The following TMEM63C variants were observed in gnomAD, a reference collection of about 807,000 sequenced individuals.
The protein encoded by TMEM63C is osmosensitive cation channel TMEM63C.
In TMEM63C, 32 loss-of-function variants were observed where a neutral mutation model predicts 99.2. The observed-to-expected ratio is 0.32, with a 90% CI of 0.24 to 0.43. The LOEUF (loss-of-function observed/expected upper bound fraction) is 0.43, where lower values mean the gene tolerates loss of function less well. TMEM63C is among the 20% of genes least tolerant of loss of function. TMEM63C has a pLI of 1.00. For synonymous variants in TMEM63C, 376 were observed against 397.9 expected (o/e 0.94, Z 0.66); for missense variants, 826 against 1,053.0 (o/e 0.78, Z 2.98).
chr14:77,251,861 T>A lies in TMEM63C; in HGVS notation c.2111T>A (p.Ile704Asn), dbSNP rs748619669. ...LIAMVIAFVGIFLGKLRMVAD... is the reference protein window; with the variant it reads ...LIAMVIAFVGNFLGKLRMVAD... ...GCCATGGTGATTGCCTTTGTTGGCA[T>A]TTTTCTGGGGAAGCTTCGGATGGTT... Residue 704 changes from isoleucine to asparagine, a missense_variant, in exon 22 of 24, where the codon ATT becomes AAT. By Grantham distance (149) the Ile-to-Asn change is moderately radical. Coordinates refer to ENST00000298351, the MANE Select transcript of TMEM63C (RefSeq NM_020431.4). The A allele has an allele frequency of 1.4e-5, 23 of 1,613,976 alleles. No homozygotes were observed. The highest frequency in any genetic ancestry group is 1.9e-5 in the Non-Finnish European group (22 of 1,179,870).
In TMEM63C at chr14:77,244,412, CTGAT is replaced by C; in HGVS notation, c.1408_1411del (p.Ile470SerfsTer32). On this transcript the variant is annotated frameshift_variant, in exon 16 of 24. Coordinates refer to ENST00000298351, the MANE Select transcript of TMEM63C (RefSeq NM_020431.4). LOFTEE classifies it high-confidence loss of function. Reference sequence around the variant, plus strand: ...CTGGGGCTTCACAGTGATACTGCCTCTGATTGTCTACTTCTCCGCCTTCCTCGAG... The same window carrying C: ...CTGGGGCTTCACAGTGATACTGCCTCTGTCTACTTCTCCGCCTTCCTCGAG... 1 of 1,613,988 alleles carries C rather than the reference CTGAT, an allele frequency of 6.2e-7. No homozygotes were observed. The highest frequency in any genetic ancestry group is 8.5e-7 in the Non-Finnish European group (1 of 1,179,888).
rs114733213 is a variant in TMEM63C at position 77,221,347 on chromosome 14, C to G, written c.312+1260C>G. 3.0e-3 allele frequency among the ~76,000 whole-genome samples: 214 copies of G among 71,602 alleles called. 11 individuals are homozygous for G. Among genetic ancestry groups the G allele is most frequent in the African/African-American group, 0.012 (95 of 7,714 alleles). 47.0% of individuals were successfully genotyped at this position (71,602 alleles called of 152,430 possible). On this transcript the variant is annotated intron_variant, in intron 5 of 23. Transcript: ENST00000298351. ...GCTTCACCTCCCACTCACGCCCCCT[C>G]CCACTCACGCCTCCCCTCCCACTCA... is the stretch of plus-strand genomic sequence containing the variant.
intron 6 of TMEM63C, among the ~76,000 whole-genome samples, chr14:77,227,020 A>G (rs545291975): frequency 6.6e-6 from 1 of 152,296 alleles, no homozygotes; most frequent in African/African-American, 2.4e-5. Flanking sequence ...CACCTGCCTC[A>G]GTCTCTTAAA....
rs776948885 is a variant in TMEM63C at position 77,256,794 on chromosome 14, G to T, written c.*68G>T. The T allele has an allele frequency of 4.4e-5, 66 of 1,514,726 alleles. No homozygotes were observed. The highest frequency in any genetic ancestry group is 5.5e-5 in the Non-Finnish European group (61 of 1,106,534). The allele number at this position is 1,514,726 out of a possible 1,614,324, so 93.8% of individuals were successfully genotyped here. A position where few individuals can be genotyped will look rare whatever the true frequency, so the allele number is the denominator to read the frequency against. ...GGGAGGGCCTGGCAAGGGGAGGCAG[G>T]AGGGTGGCCTGGACCTCCCCACTAC... On this transcript the variant is annotated 3_prime_UTR_variant, in exon 24 of 24. Transcript: ENST00000298351.
intron 6 of TMEM63C, among the ~76,000 whole-genome samples, chr14:77,227,796 G>C (rs1376364218): frequency 6.6e-6 from 1 of 152,196 alleles, no homozygotes; most frequent in Non-Finnish European, 1.5e-5. Flanking sequence ...TTGGGTCTCT[G>C]TTGGGAGGGC....
At chr14:77,211,272 A>G (rs1888492952) in intron 1 of TMEM63C, among the ~76,000 whole-genome samples, 1 of 152,200 alleles carries the variant, frequency 6.6e-6, no homozygotes, top group African/African-American at 2.4e-5. Context: ...CAGCTCTGCC[A>G]TTCACTAGCA....
intron 2 of TMEM63C, among the ~76,000 whole-genome samples, chr14:77,215,639 CT>C (rs1163634250): frequency 1.3e-5 from 1 of 74,528 alleles, no homozygotes; most frequent in Non-Finnish European, 3.0e-5. Context: ...GAAAAAGAAA[CT>C]AGAAGCAGTA....
In TMEM63C at chr14:77,231,621, C is replaced by T. The variant is rs2302830; in HGVS notation, c.384C>T (p.Asp128=). 4.5e-5 allele frequency: 70 copies of T among 1,551,488 alleles called. No homozygotes were observed. The highest frequency in any genetic ancestry group is 3.4e-4 in the East Asian group (14 of 40,934). ...DEDLINKCGD[D]ARIYIVFQYH... Reference sequence around the variant, plus strand: ...ATCTGATTAACAAGTGTGGGGACGACGCGCGCATCTACATCGTGTTCCAGT... The same window carrying T: ...ATCTGATTAACAAGTGTGGGGACGATGCGCGCATCTACATCGTGTTCCAGT... The change falls in exon 7 of 24, where the codon GAC becomes GAT. Residue 128 remains aspartate, a synonymous_variant. Transcript: ENST00000298351.
intron 5 of TMEM63C, 108 bp from the exon 6 acceptor site, chr14:77,225,316 C>A: frequency 1.1e-6 from 1 of 940,594 alleles, no homozygotes. Context: ...AAGGAGGCCC[C>A]GGACGCTGCC....
chr14:77,242,550 A>C (rs1889196257), intron 14 of TMEM63C, 81 bp downstream of exon 14: 10 of 1,542,438 alleles, frequency 6.5e-6, no homozygotes, highest in East Asian at 4.5e-5. Flanking sequence ...TTCTCTCCCC[A>C]TGTCATTGCC....
At position 77,245,972 on chromosome 14, in the gene TMEM63C, G is replaced by T. The variant is rs1332194996; in HGVS notation, c.1481G>T (p.Cys494Phe). The T allele has an allele frequency of 1.2e-6, 2 of 1,614,006 alleles. No homozygotes were observed. Among genetic ancestry groups the T allele is most frequent in the Non-Finnish European group, 1.7e-6 (2 of 1,179,878 alleles). Residue 494 changes from cysteine (C) to phenylalanine (F), a missense_variant, in exon 17 of 24, where the codon TGC (cysteine) becomes TTC (phenylalanine). Coordinates refer to ENST00000298351, the MANE Select transcript of TMEM63C (RefSeq NM_020431.4). ...SSQNLVMVHK[C>F]YIFLVFMVVI... ...CAGAATCTGGTCATGGTGCACAAGTGCTACATCTTTCTGGTGTTCATGGTA... is the reference window on the plus strand; with the variant it reads ...CAGAATCTGGTCATGGTGCACAAGTTCTACATCTTTCTGGTGTTCATGGTA...
intron 7 of TMEM63C, among the ~76,000 whole-genome samples, 151 bp downstream of exon 7, chr14:77,231,881 G>A (rs536713463): frequency 5.9e-5 from 9 of 152,312 alleles, no homozygotes; most frequent in South Asian, 4.2e-4. Flanking sequence ...ACCATGCTTC[G>A]CTTCTCTCAT....
intron 9 of TMEM63C, among the ~76,000 whole-genome samples, chr14:77,237,875 A>G (rs938843547): frequency 6.6e-6 from 1 of 152,212 alleles, no homozygotes; most frequent in Non-Finnish European, 1.5e-5. Flanking sequence ...TCAAAGGTTC[A>G]GTGGTGTGGA....
chr14:77,186,750 AG>A (rs1343665985), intron 1 of TMEM63C, among the ~76,000 whole-genome samples: 1 of 138,990 alleles, frequency 7.2e-6, no homozygotes, highest in African/African-American at 2.6e-5. Context: ...GACCTGGCAG[AG>A]GGGGAATCTT....
At chr14:77,204,570 A>G (rs1414702394) in intron 1 of TMEM63C, among the ~76,000 whole-genome samples, 1 of 152,236 alleles carries the variant, frequency 6.6e-6, no homozygotes, top group Non-Finnish European at 1.5e-5. Context: ...ACAGCAGAGG[A>G]AATAATCAGC....
intron 2 of TMEM63C, among the ~76,000 whole-genome samples, chr14:77,217,933 A>G (rs1040274493): frequency 1.3e-5 from 2 of 152,180 alleles, no homozygotes; most frequent in African/African-American, 4.8e-5. Flanking sequence ...TGGTTACCAG[A>G]GGCTTAGAAG....
At chr14:77,183,497 A>G (rs1887947194) in intron 1 of TMEM63C, among the ~76,000 whole-genome samples, 1 of 152,224 alleles carries the variant, frequency 6.6e-6, no homozygotes, top group African/African-American at 2.4e-5. Flanking sequence ...CTGTGGGCCT[A>G]TCGGAGCCAA....
At chr14:77,252,842 C>T (rs533598354) in intron 22 of TMEM63C, among the ~76,000 whole-genome samples, 6 of 152,308 alleles carry the variant, frequency 3.9e-5, no homozygotes, top group Non-Finnish European at 7.3e-5. Context: ...TGAAGGGTCT[C>T]GTGAAGGACC....
At position 77,253,376 on chromosome 14, in the gene TMEM63C, C is replaced by G. The variant is rs1177705062; in HGVS notation, c.2220C>G (p.Leu740=). The G allele has an allele frequency of 1.2e-6, 2 of 1,609,338 alleles. No individual in the cohort carries two copies. Among genetic ancestry groups the G allele is most frequent in the Non-Finnish European group, 1.7e-6 (2 of 1,178,176 alleles). The change falls in exon 23 of 24, where the codon CTC becomes CTG. Residue 740 remains leucine, a splice_region_variant and synonymous_variant. Transcript: ENST00000298351. ...PSSTSSTPTS[L]LYVATVLQEP... ...GCACCTCCTCCACGCCCACCTCCCTCGTGAGTCCTGAGTCCCAGGGACAGG... is the reference window on the plus strand; with the variant it reads ...GCACCTCCTCCACGCCCACCTCCCTGGTGAGTCCTGAGTCCCAGGGACAGG...
Sources: gnomAD v4.1 joint callset for allele counts (sites outside exome capture counted in the v4.1 genomes callset) on GRCh38, gnomAD v4.1.1 for gene constraint, MANE v1.5 for transcripts, NCBI Gene and HGNC (gene_info 2026-07-23, HGNC 2026-07-21) for gene names.